Variants in H6PD observed in about 807,000 individuals in gnomAD.
The protein encoded by H6PD is GDH/6PGL endoplasmic bifunctional protein.
H6PD carries 48 observed loss-of-function variants against 61.2 expected under a neutral mutation model. The ratio of observed to expected loss-of-function variants is 0.78; its 90% CI spans 0.62 to 1.00. The LOEUF is 1.00. Among genes scored for constraint, H6PD ranks in the 50% least tolerant of loss-of-function variants. H6PD has a pLI of 0.00. For synonymous variants in H6PD, 480 were observed against 457.9 expected, an observed-to-expected ratio of 1.05 and a Z score of -0.62; for missense variants, 1,093 against 1,065.0, an observed-to-expected ratio of 1.03 and a Z score of -0.37.
chr1:9,263,915 C>T lies in H6PD; in HGVS notation c.1422C>T (p.Ile474=). The T allele has an allele frequency of 6.2e-7, 1 of 1,614,184 alleles. No individual in the cohort carries two copies. The highest frequency in any genetic ancestry group is 8.5e-7 in the Non-Finnish European group (1 of 1,180,026). The change falls in exon 5 of 5, where the codon ATC becomes ATT. Residue 474 remains isoleucine (I), a synonymous_variant. Transcript: ENST00000377403. The part of the protein sequence containing the change: ...HIFHGRKNFF[I]TTENLLASWN... The stretch of plus-strand genomic sequence containing the variant: ...TCCATGGCCGGAAGAATTTCTTCAT[C>T]ACCACAGAGAACTTGCTGGCCTCCT...
At position 9,267,799 on chromosome 1, in the gene H6PD, C is replaced by T. The variant is rs1174860719; in HGVS notation, c.*2930C>T. ...GGCTGGTGGCTTTCAAACTTCAGACCATGATCTGCAGCAAGAAACGTGCCT... is the reference window on the plus strand; with the variant it reads ...GGCTGGTGGCTTTCAAACTTCAGACTATGATCTGCAGCAAGAAACGTGCCT... On this transcript the variant is annotated 3_prime_UTR_variant, in exon 5 of 5. Coordinates refer to ENST00000377403, the MANE Select transcript of H6PD (RefSeq NM_004285.4). The T allele has an allele frequency of 1.3e-5, 2 of 152,328 alleles. No homozygotes were observed. Among genetic ancestry groups the T allele is most frequent in the South Asian group, 4.1e-4 (2 of 4,824 alleles). The allele number at this position is 152,328 out of a possible 1,614,324, so 9.4% of individuals were successfully genotyped here.
At chr1:9,237,295 C>T (rs1476421946) in intron 1 of H6PD, among the ~76,000 whole-genome samples, 1 of 126,332 alleles carries the variant, frequency 7.9e-6, no homozygotes, top group Non-Finnish European at 1.6e-5. Flanking sequence ...CCCAGGGGCG[C>T]AATCTCAGCT....
intron 3 of H6PD, among the ~76,000 whole-genome samples, chr1:9,250,484 C>T (rs1276035780): frequency 4.0e-5 from 6 of 150,124 alleles, no homozygotes; most frequent in African/African-American, 1.5e-4. Context: ...CATTCTCCCC[C>T]ACTCCCCACC....
Position 9,245,564 on chromosome 1 carries a change from G to C in H6PD, c.627+3G>C. The C allele has an allele frequency of 6.2e-7, 1 of 1,614,026 alleles. No individual in the cohort carries two copies. The highest frequency in any genetic ancestry group is 8.5e-7 in the Non-Finnish European group (1 of 1,179,910). On this transcript the variant is annotated splice_donor_region_variant and intron_variant, in intron 2 of 4. Coordinates refer to ENST00000377403, the MANE Select transcript of H6PD (RefSeq NM_004285.4). This position sits in a 1 kb window ranked among gnomAD's most constrained non-coding sequence, Gnocchi z 4.8. The stretch of plus-strand genomic sequence containing the variant: ...TGGACCATTACTTAGGCAAGCAGGT[G>C]AGCATCAGCATGGAGCCTGCCAGGG...
At position 9,265,646 on chromosome 1, in the gene H6PD, T is replaced by A. The variant is rs552129126; in HGVS notation, c.*777T>A. The stretch of plus-strand genomic sequence containing the variant: ...ACTGTGGAAAGGGTTCCAGAAATCT[T>A]TTTTCTTTTTTAATTAAAAAAAATA... On this transcript the variant is annotated 3_prime_UTR_variant, in exon 5 of 5. Coordinates refer to ENST00000377403, the MANE Select transcript of H6PD (RefSeq NM_004285.4). 8.0e-5 allele frequency: 12 copies of A among 150,342 alleles called. No homozygotes were observed. Among genetic ancestry groups the A allele is most frequent in the African/African-American group, 2.9e-4 (12 of 40,680 alleles). 9.3% of individuals were successfully genotyped at this position (150,342 alleles called of 1,614,324 possible). A position where few individuals can be genotyped will look rare whatever the true frequency, so the allele number is the denominator to read the frequency against.
Position 9,264,093 on chromosome 1 carries a change from C to T in H6PD, c.1600C>T (p.Pro534Ser). The change falls in exon 5 of 5, where the codon CCA becomes TCA. Residue 534 changes from proline (P) to serine (S), a missense_variant. Pro to Ser is a moderately conservative substitution (Grantham distance 74). Transcript: ENST00000377403. Reference protein sequence around the residue: ...QQQPEQLVPGPGPAPMPSDFQ... With the variant: ...QQQPEQLVPGSGPAPMPSDFQ... ...GCAGCCGGAGCAGCTGGTGCCAGGGCCAGGGCCGGCCCCAATGCCCAGTGA... is the reference window on the plus strand; with the variant it reads ...GCAGCCGGAGCAGCTGGTGCCAGGGTCAGGGCCGGCCCCAATGCCCAGTGA... The T allele has an allele frequency of 1.9e-6, 3 of 1,613,968 alleles. No homozygotes were observed. Among genetic ancestry groups the T allele is most frequent in the Non-Finnish European group, 2.5e-6 (3 of 1,179,984 alleles).
intron 4 of H6PD, among the ~76,000 whole-genome samples, chr1:9,263,123 G>A (rs1183252575): frequency 2.6e-5 from 4 of 151,832 alleles, no homozygotes; most frequent in East Asian, 1.9e-4. Flanking sequence ...AGGGAAGCAC[G>A]TTTCTCTGTA....
At chr1:9,262,847 G>A (rs1480720834) in intron 4 of H6PD, among the ~76,000 whole-genome samples, 1 of 152,174 alleles carries the variant, frequency 6.6e-6, no homozygotes, top group South Asian at 2.1e-4. Flanking sequence ...CTTTATAGAT[G>A]CCTCTCATAC....
At chr1:9,263,023 C>T (rs1054023413) in intron 4 of H6PD, among the ~76,000 whole-genome samples, 3 of 152,180 alleles carry the variant, frequency 2.0e-5, no homozygotes, top group Admixed American at 6.5e-5. Context: ...CTTGCCAACA[C>T]CCCACCCACG....
chr1:9,253,467 C>G (rs534020971), intron 3 of H6PD, among the ~76,000 whole-genome samples: 1 of 152,236 alleles, frequency 6.6e-6, no homozygotes, highest in East Asian at 1.9e-4. Flanking sequence ...CATATAAATC[C>G]ACTGTAATTC....
intron 4 of H6PD, among the ~76,000 whole-genome samples, chr1:9,262,831 C>T (rs1412396585): frequency 6.6e-6 from 1 of 152,204 alleles, no homozygotes; most frequent in East Asian, 1.9e-4. Flanking sequence ...CGCCGTATGC[C>T]AGGTGCTTTA....
intron 3 of H6PD, among the ~76,000 whole-genome samples, chr1:9,260,853 T>G (rs1638244746): frequency 6.6e-6 from 1 of 152,058 alleles, no homozygotes; most frequent in African/African-American, 2.4e-5. Flanking sequence ...GTCTTCAGCC[T>G]AAACACACCT....
rs763720569 is a variant in H6PD at position 9,264,826 on chromosome 1, G to T, written c.2333G>T (p.Gly778Val). The T allele has an allele frequency of 6.2e-7, 1 of 1,612,600 alleles. No individual in the cohort carries two copies. Among genetic ancestry groups the T allele is most frequent in the South Asian group, 1.1e-5 (1 of 91,060 alleles). ...ATCTCGGGTGTCCTGCCGCACTCCGGCCAGCTGGTGTGGTACATGGACTAC... is the reference window on the plus strand; with the variant it reads ...ATCTCGGGTGTCCTGCCGCACTCCGTCCAGCTGGTGTGGTACATGGACTAC... ...WPISGVLPHS[G>V]QLVWYMDYDA... The change falls in exon 5 of 5, where the codon GGC becomes GTC. Residue 778 changes from glycine (G) to valine (V), a missense_variant. Physicochemically the swap from Gly to Val is moderately radical, Grantham distance 109. Transcript: ENST00000377403.
At chr1:9,236,624 G>A (rs550355426) in intron 1 of H6PD, among the ~76,000 whole-genome samples, 367 of 150,274 alleles carry the variant, frequency 2.4e-3, no homozygotes, top group Non-Finnish European at 3.8e-3. Context: ...AACCAAGATC[G>A]TGCCACTGCA....
At chr1:9,261,814 T>C (rs1231430128) in intron 3 of H6PD, among the ~76,000 whole-genome samples, 1 of 152,184 alleles carries the variant, frequency 6.6e-6, no homozygotes, top group Non-Finnish European at 1.5e-5. Context: ...TGGATTTCTG[T>C]AGAGGCTCAC....
intron 3 of H6PD, among the ~76,000 whole-genome samples, chr1:9,260,012 T>C (rs574238265): frequency 4.2e-4 from 64 of 152,246 alleles, no homozygotes; most frequent in African/African-American, 1.4e-3. Flanking sequence ...ACTGTTGTTA[T>C]GTTGTTATGC....
chr1:9,249,176 G>T (rs893982854), intron 3 of H6PD, among the ~76,000 whole-genome samples: 1 of 152,194 alleles, frequency 6.6e-6, no homozygotes, highest in African/African-American at 2.4e-5. Flanking sequence ...ATGATGTCTG[G>T]AGTTACCTGT....
At chr1:9,255,163 G>A (rs1161262747) in intron 3 of H6PD, among the ~76,000 whole-genome samples, 1 of 152,224 alleles carries the variant, frequency 6.6e-6, no homozygotes, top group Admixed American at 6.5e-5. Flanking sequence ...TCATGTACAA[G>A]CTTTTGTGTG....
chr1:9,237,125 AT>A (rs1640869790), intron 1 of H6PD, among the ~76,000 whole-genome samples: 1 of 151,748 alleles, frequency 6.6e-6, no homozygotes, highest in Non-Finnish European at 1.5e-5. Context: ...ACATTTTGCC[AT>A]TCAGGGATGT....
Sources: gnomAD v4.1 joint callset for allele counts (sites outside exome capture counted in the v4.1 genomes callset) on GRCh38, gnomAD v4.1.1 for gene constraint, Gnocchi (gnomAD v3.1) non-coding constraint, MANE v1.5 for transcripts, NCBI Gene and HGNC (gene_info 2026-07-23, HGNC 2026-07-21) for gene names.